The following MACF1 variants were observed in gnomAD, a reference collection of about 807,000 sequenced individuals.
MACF1 encodes microtubule-actin cross-linking factor 1.
Under a neutral mutation model 854.8 loss-of-function variants are expected in MACF1, and 193 were observed. The observed-to-expected ratio is 0.23, with a 90% CI of 0.20 to 0.25. The LOEUF (loss-of-function observed/expected upper bound fraction) is 0.25. MACF1 is among the 10% of genes least tolerant of loss of function. The pLI is 1.00. For missense variants in MACF1, 7,722 were observed against 8,929.1 expected, an observed-to-expected ratio of 0.86 and a Z score of 5.45; for synonymous variants, 3,185 against 3,226.7, an observed-to-expected ratio of 0.99 and a Z score of 0.44.
chr1:39,174,180 G>A (rs115116986), intron 2 of MACF1, among the ~76,000 whole-genome samples: 1 of 152,186 alleles, frequency 6.6e-6, no homozygotes, highest in Non-Finnish European at 1.5e-5. Flanking sequence ...AGGACCTGCT[G>A]TACTGATCTG....
intron 40 of MACF1, among the ~76,000 whole-genome samples, chr1:39,345,045 A>G (rs1647015046): frequency 6.6e-6 from 1 of 152,128 alleles, no homozygotes; most frequent in South Asian, 2.1e-4. Context: ...TAACATTATG[A>G]TAAATATTCA....
chr1:39,234,406 G>C (rs1412641810), intron 2 of MACF1, among the ~76,000 whole-genome samples: 5 of 150,664 alleles, frequency 3.3e-5, no homozygotes, highest in South Asian at 4.2e-4. Context: ...GGGGCGGCTG[G>C]CCGGGCAGGG....
rs1557510702 is a variant in MACF1 at position 39,194,335 on chromosome 1, TC to T, written c.221-36846del. Among the ~76,000 whole-genome samples, 101 of 67,144 alleles carry T rather than the reference TC, an allele frequency of 1.5e-3. 2 individuals carry two copies. The highest frequency in any genetic ancestry group is 2.1e-3 in the Non-Finnish European group (69 of 33,384). 44.0% of individuals were successfully genotyped at this position (67,144 alleles called of 152,430 possible). A position where few individuals can be genotyped will look rare whatever the true frequency, so the allele number is the denominator to read the frequency against. ...AAGTGGAATTTCTTTTCTTTTCTTT[TC>T]TTTTCTTTTCTTTTCTTTTTTTTTT... On this transcript the variant is annotated intron_variant, in intron 2 of 93. Transcript: ENST00000361689.
intron 15 of MACF1, among the ~76,000 whole-genome samples, chr1:39,291,235 C>T (rs560324348): frequency 4.5e-4 from 68 of 152,290 alleles, no homozygotes; most frequent in African/African-American, 1.5e-3. Flanking sequence ...CCTCAGCCCC[C>T]CAAAGTGCTG....
At position 39,357,532 on chromosome 1, in the gene MACF1, C is replaced by T. The variant is rs1647698764; in HGVS notation, c.11582C>T (p.Ser3861Phe). 6.2e-7 allele frequency: 1 copy of T among 1,614,178 alleles called. No homozygotes were observed. Among genetic ancestry groups the T allele is most frequent in the Non-Finnish European group, 8.5e-7 (1 of 1,180,034 alleles). The change falls in exon 45 of 101, where the codon TCC becomes TTC. Residue 3861 changes from serine (S) to phenylalanine (F), a missense_variant. By Grantham distance (155) the Ser-to-Phe change is radical (BLOSUM62 -2). Transcript: ENST00000564288. ...GAGCTAAAGGAACAATACTCTACTT[C>T]CCTGGCCCAATCAGAGGCAGAACTG... Reference protein sequence around the residue: ...LGELKEQYSTSLAQSEAELKQ... With the variant: ...LGELKEQYSTFLAQSEAELKQ...
intron 2 of MACF1, among the ~76,000 whole-genome samples, chr1:39,094,597 AAT>A: frequency 6.6e-6 from 1 of 151,974 alleles, no homozygotes; most frequent in Non-Finnish European, 1.5e-5. Context: ...GCATGCCTGT[AAT>A]CCCAGCTACT....
chr1:39,462,751 G>A (rs1287669224), intron 93 of MACF1, among the ~76,000 whole-genome samples: 1 of 152,114 alleles, frequency 6.6e-6, no homozygotes, highest in Non-Finnish European at 1.5e-5. Context: ...GGAGTAAAAT[G>A]TAATGTTTAA....
chr1:39,315,664 A>G lies in MACF1; in HGVS notation c.3422A>G (p.Tyr1141Cys). The G allele has an allele frequency of 1.9e-6, 3 of 1,614,082 alleles. No individual in the cohort carries two copies. The highest frequency in any genetic ancestry group is 2.2e-5 in the East Asian group (1 of 44,876). The change falls in exon 27 of 101, where the codon TAT (tyrosine) becomes TGT (cysteine). Residue 1141 changes from tyrosine to cysteine, a missense_variant. Transcript: ENST00000564288. ...NLLVEKMDHV[Y>C]GLSTVYLNKL... Reference sequence around the variant, plus strand: ...CTGGTGGAGAAGATGGACCATGTCTATGGTCTCTCTACTGTATATCTGAAT... The same window carrying G: ...CTGGTGGAGAAGATGGACCATGTCTGTGGTCTCTCTACTGTATATCTGAAT...
rs1293134820 is a variant in MACF1, at chr1:39,474,721, T to G, written c.21959-5077T>G. 5.3e-5 allele frequency among the ~76,000 whole-genome samples: 8 copies of G among 151,962 alleles called. No individual in the cohort carries two copies. In the South Asian group the frequency reaches 1.0e-3, roughly 20 times the overall value. ...AAAATAACTAAATAAAAATAAATGT[T>G]TGTGTGTGTGTATAAGTGTATGTGT... is the stretch of plus-strand genomic sequence containing the variant. On this transcript the variant is annotated intron_variant, in intron 97 of 100. Coordinates refer to ENST00000564288, the MANE Select transcript of MACF1 (RefSeq NM_001394062.1).
At chr1:39,094,057 C>T (rs1218516477) in intron 2 of MACF1, among the ~76,000 whole-genome samples, 4 of 151,910 alleles carry the variant, frequency 2.6e-5, no homozygotes, top group Admixed American at 1.3e-4. Context: ...GGATTACAGG[C>T]GTGAGCCACG....
rs762898510 is a variant in MACF1 at position 39,331,770 on chromosome 1, C to T, written c.5182C>T (p.Leu1728=). The change falls in exon 37 of 101, where the codon CTG becomes TTG. Residue 1728 remains leucine (L), a synonymous_variant. Coordinates refer to ENST00000564288, the MANE Select transcript of MACF1 (RefSeq NM_001394062.1). ...CCACCAGGAATCAGGATTCAAATTA[C>T]TGCCTGTCAAACAATTGGCAGGGGG... The part of the protein sequence containing the change: ...IVHQESGFKL[L]PVKQLAGGMV... The T allele has an allele frequency of 6.8e-5, 110 of 1,614,014 alleles. No individual in the cohort carries two copies. The highest frequency in any genetic ancestry group is 8.9e-5 in the Non-Finnish European group (105 of 1,180,042).
intron 72 of MACF1, among the ~76,000 whole-genome samples, chr1:39,440,282 G>A (rs987205094): frequency 3.3e-5 from 5 of 150,796 alleles, no homozygotes; most frequent in African/African-American, 1.2e-4. Context: ...ATTTTTTTAT[G>A]TTTTATAGAG....
chr1:39,129,184 T>A (rs1016623991), intron 2 of MACF1, among the ~76,000 whole-genome samples: 1 of 152,170 alleles, frequency 6.6e-6, no homozygotes, highest in Non-Finnish European at 1.5e-5. Context: ...GGTGTGTGCC[T>A]GAGAGAACTG....
chr1:39,362,618 C>T (rs1440108717), intron 49 of MACF1, among the ~76,000 whole-genome samples: 1 of 152,016 alleles, frequency 6.6e-6, no homozygotes, highest in Non-Finnish European at 1.5e-5. Flanking sequence ...GGCTTTTTGA[C>T]ATGTCTTCCT....
In MACF1 at chr1:39,334,636, T is replaced by G; in HGVS notation, c.8048T>G (p.Val2683Gly). 1 of 1,614,030 alleles carries G rather than the reference T, an allele frequency of 6.2e-7. No homozygotes were observed. The highest frequency in any genetic ancestry group is 8.5e-7 in the Non-Finnish European group (1 of 1,180,002). The change falls in exon 37 of 101, where the codon GTT becomes GGT. Residue 2683 changes from valine (V) to glycine (G), a missense_variant. Around this residue, in one of 15 missense-constraint regions of MACF1, gnomAD observed 1,531 missense variants for 1,601.6 expected, o/e 0.96. Transcript: ENST00000564288. ...GKVDFASTLKVLEAQANTGGI... is the reference protein window; with the variant it reads ...GKVDFASTLKGLEAQANTGGI... ...GTAGACTTTGCATCTACGCTGAAGG[T>G]TCTAGAAGCCCAGGCAAATACTGGT...
Position 39,368,330 on chromosome 1 carries a change from T to C in MACF1, c.12938+16T>C. ...TTAAAGAGAGGTGAGTTATCACTTG[T>C]GTTGGTCAGCATTGGGGAACTATTT... On this transcript the variant is annotated intron_variant, in intron 50 of 100. Transcript: ENST00000564288. 2.5e-6 allele frequency: 4 copies of C among 1,607,150 alleles called. No homozygotes were observed. Among genetic ancestry groups the C allele is most frequent in the Non-Finnish European group, 3.4e-6 (4 of 1,174,508 alleles).
At chr1:39,089,568 T>G (rs1435937504) in intron 2 of MACF1, among the ~76,000 whole-genome samples, 1 of 152,192 alleles carries the variant, frequency 6.6e-6, no homozygotes, top group Non-Finnish European at 1.5e-5. Context: ...GAGTCCCATC[T>G]TACCCTTTTT....
chr1:39,243,627 T>C (rs2490947), intron 2 of MACF1, among the ~76,000 whole-genome samples: 8,400 of 152,220 alleles, frequency 0.055, 297 homozygotes, highest in African/African-American at 0.097. Context: ...GGTCTCAAAC[T>C]CCTGGGCTCA....
chr1:39,340,385 C>G (rs1646910636), intron 38 of MACF1, 117 bp from the exon 39 acceptor site: 2 of 691,218 alleles, frequency 2.9e-6, no homozygotes, highest in African/African-American at 1.8e-5. Flanking sequence ...TACATAAAAA[C>G]ATTTTCTAAG....
Sources: gnomAD v4.1 joint callset for allele counts (sites outside exome capture counted in the v4.1 genomes callset) on GRCh38, gnomAD v4.1.1 for gene constraint, gnomAD v4.1.1 regional missense constraint, MANE v1.5 for transcripts, NCBI Gene and HGNC (gene_info 2026-07-23, HGNC 2026-07-21) for gene names.